The following RHOXF1 variants were observed in gnomAD, a reference collection of about 807,000 sequenced individuals.
RHOXF1 encodes Rhox homeobox family member 1.
In RHOXF1, 1 loss-of-function variant was observed where a neutral mutation model predicts 9.7. The ratio of observed to expected loss-of-function variants is 0.10; its 90% confidence interval spans 0.04 to 0.49. The LOEUF is 0.49. Among genes scored for constraint, RHOXF1 ranks in the 20% least tolerant of loss-of-function variants. The pLI, the probability that RHOXF1 is intolerant of heterozygous loss-of-function variation, is 0.95. For missense variants in RHOXF1, 179 were observed against 168.0 expected (o/e 1.07, Z -0.36); for synonymous variants, 72 against 70.2 (o/e 1.03, Z -0.13).
At chrX:120,114,189 G>A (rs1467143348) in intron 1 of RHOXF1, among the ~76,000 whole-genome samples, 2 of 110,619 alleles carry the variant, frequency 1.8e-5, no homozygotes, top group Admixed American at 1.9e-4. Flanking sequence ...TTAAATAAAG[G>A]AAGGATCTAG....
At chrX:120,113,373 C>T (rs2057279264) in intron 1 of RHOXF1, among the ~76,000 whole-genome samples, 1 of 110,683 alleles carries the variant, frequency 9.0e-6, no homozygotes, top group Admixed American at 9.6e-5. Flanking sequence ...AACTCCTGCC[C>T]GTCTCAGCCT....
chrX:120,112,011 G>T (rs1162186863), intron 2 of RHOXF1, among the ~76,000 whole-genome samples: 1 of 111,010 alleles, frequency 9.0e-6, no homozygotes, highest in Non-Finnish European at 1.9e-5. Flanking sequence ...TAAAACTTAG[G>T]GCTGCCACTC....
At chrX:120,112,061 A>C (rs1242877740) in intron 2 of RHOXF1, among the ~76,000 whole-genome samples, 1 of 111,640 alleles carries the variant, frequency 9.0e-6, no homozygotes, top group Non-Finnish European at 1.9e-5. Context: ...CAAACAAAGA[A>C]GGACCAGGGG....
At chrX:120,115,119 A>ATCT (rs1603391036) in intron 1 of RHOXF1, among the ~76,000 whole-genome samples, 1 of 111,729 alleles carries the variant, frequency 9.0e-6, no homozygotes, top group African/African-American at 3.3e-5. Flanking sequence ...GCTTGGCAAG[A>ATCT]TGAGAAGAAT....
intron 1 of RHOXF1, among the ~76,000 whole-genome samples, chrX:120,114,581 CA>C (rs782212049): frequency 9.6e-6 from 1 of 104,241 alleles, no homozygotes; most frequent in Non-Finnish European, 2.0e-5. Flanking sequence ...ACCCAATAAC[CA>C]AAAAAAAAGA....
upstream of RHOXF1, among the ~76,000 whole-genome samples, chrX:120,120,090 A>G (rs782413631): frequency 2.7e-5 from 3 of 112,264 alleles, no homozygotes; most frequent in Non-Finnish European, 5.6e-5. Flanking sequence ...TGCTCAGGAT[A>G]TTAACATCTC....
At chrX:120,118,387 G>A (rs1465237012), upstream of RHOXF1, among the ~76,000 whole-genome samples, 1 of 111,675 alleles carries the variant, frequency 9.0e-6, no homozygotes, top group East Asian at 2.8e-4. Flanking sequence ...AGTTAGATAA[G>A]CTTGCTGTGT....
chrX:120,112,459 A>AT (rs2057271378), intron 2 of RHOXF1, among the ~76,000 whole-genome samples: 1 of 2,315 alleles, frequency 4.3e-4, no homozygotes, highest in African/African-American at 4.9e-4. Flanking sequence ...ACACATATGT[A>AT]TAATATATAA....
chrX:120,116,158 G>GGGGTTGCGGGTGA (rs2057295344), upstream of RHOXF1, among the ~76,000 whole-genome samples: 1 of 31,291 alleles, frequency 3.2e-5, no homozygotes, highest in African/African-American at 1.4e-4. Flanking sequence ...AGTGAGGGTG[G>GGGGTTGCGGGTGA]GGGTTGCGGG....
At position 120,115,818 on chromosome X, in the gene RHOXF1, A is replaced by G. The variant is rs782059953; in HGVS notation, c.45T>C (p.Ser15=). ...LVHDTVFYCL[S]VYQVKISPTP... is the part of the protein sequence containing the mutation. ...TGGGGCTTATTTTTACCTGGTATACACTCAGGCAGTAGAACACGGTGTCGT... is the reference window on the plus strand; with the variant it reads ...TGGGGCTTATTTTTACCTGGTATACGCTCAGGCAGTAGAACACGGTGTCGT... The change falls in exon 1 of 3, where the codon AGT becomes AGC. Residue 15 remains serine, a synonymous_variant. Coordinates refer to ENST00000217999, the MANE Select transcript of RHOXF1 (RefSeq NM_139282.3). 8.4e-6 allele frequency: 10 copies of G among 1,193,012 alleles called. No individual in the cohort carries two copies. The Admixed American group carries it at 2.0e-4, about 24-fold the overall frequency.
upstream of RHOXF1, among the ~76,000 whole-genome samples, chrX:120,119,923 C>A (rs886067194): frequency 2.5e-4 from 28 of 111,254 alleles, no homozygotes; most frequent in African/African-American, 7.9e-4. Context: ...GGTAAGGTAA[C>A]TAAGCCCAAT....
chrX:120,110,042 C>T (rs781997176), intron 2 of RHOXF1, among the ~76,000 whole-genome samples: 11 of 112,133 alleles, frequency 9.8e-5, no homozygotes, highest in Admixed American at 9.5e-4. Context: ...CAGCTGCCTC[C>T]TGCTCCCTCC....
intron 1 of RHOXF1, among the ~76,000 whole-genome samples, chrX:120,113,154 T>A (rs1055503971): frequency 5.4e-5 from 6 of 110,596 alleles, no homozygotes; most frequent in African/African-American, 1.6e-4. Flanking sequence ...TTTTTTTTTT[T>A]AAATTGAGAC....
chrX:120,117,185 G>T (rs1365996007), upstream of RHOXF1, among the ~76,000 whole-genome samples: 4 of 111,402 alleles, frequency 3.6e-5, no homozygotes, highest in African/African-American at 1.3e-4. Context: ...GAACCCAGGA[G>T]TTTGAGGCTG....
chrX:120,114,497 T>C (rs1240638652), intron 1 of RHOXF1, among the ~76,000 whole-genome samples: 2 of 110,916 alleles, frequency 1.8e-5, no homozygotes, highest in Non-Finnish European at 3.8e-5. Flanking sequence ...AGACAACTCA[T>C]AGAATGGAAG....
At chrX:120,118,654 C>CT (rs1270122329), upstream of RHOXF1, among the ~76,000 whole-genome samples, 1 of 111,396 alleles carries the variant, frequency 9.0e-6, no homozygotes, top group Non-Finnish European at 1.9e-5. Flanking sequence ...AAGATAATCT[C>CT]TATCATCTTA....
chrX:120,109,533 T>G (rs1344885922), intron 2 of RHOXF1, among the ~76,000 whole-genome samples: 1 of 110,868 alleles, frequency 9.0e-6, no homozygotes, highest in East Asian at 2.8e-4. Flanking sequence ...GCTTATTACT[T>G]TGTATCTCTC....
intron 2 of RHOXF1, among the ~76,000 whole-genome samples, chrX:120,111,555 C>A (rs907780762): frequency 2.7e-5 from 3 of 111,801 alleles, no homozygotes; most frequent in Admixed American, 9.5e-5. Flanking sequence ...ATCCTATGAC[C>A]TACTAATTAG....
chrX:120,117,364 C>T (rs1425838357), upstream of RHOXF1, among the ~76,000 whole-genome samples: 1 of 109,295 alleles, frequency 9.1e-6, no homozygotes, highest in Non-Finnish European at 1.9e-5. Flanking sequence ...GGGTGGACAA[C>T]TCATGAATCC....
Sources: allele counts gnomAD v4.1 joint callset (sites outside exome capture counted in the v4.1 genomes callset), GRCh38; gene constraint gnomAD v4.1.1; transcripts MANE v1.5; gene names NCBI Gene and HGNC (gene_info 2026-07-23, HGNC 2026-07-21).